The following ANKRD11 variants were observed in gnomAD, a reference collection of about 807,000 sequenced individuals.
ANKRD11 encodes the protein ankyrin repeat domain-containing protein 11.
Under a neutral mutation model 195.7 loss-of-function variants are expected in ANKRD11, and 17 were observed. That is an observed-to-expected ratio of 0.09 (90% CI 0.06 to 0.13). ANKRD11 has a LOEUF of 0.13. Ranked by LOEUF, ANKRD11 falls within the 10% of genes least tolerant of loss-of-function variation. The pLI is 1.00. For synonymous variants in ANKRD11, 1,953 were observed against 1,528.1 expected (o/e 1.28, Z -6.49); for missense variants, 3,735 against 3,566.1 (o/e 1.05, Z -1.21).
intron 9 of ANKRD11, chr16:89,278,514 G>A (rs1567550215): frequency 2.2e-6 from 1 of 456,420 alleles, no homozygotes; most frequent in East Asian, 7.0e-5. Flanking sequence ...TGATGCCTGG[G>A]GAACTGGGCT....
intron 1 of ANKRD11, among the ~76,000 whole-genome samples, chr16:89,456,330 C>T (rs1256604183): frequency 6.6e-6 from 1 of 151,868 alleles, no homozygotes; most frequent in Non-Finnish European, 1.5e-5. Context: ...AGGCAGACCA[C>T]TTGAGGTCAG....
intron 2 of ANKRD11, chr16:89,395,746 T>C (rs1183538699): frequency 6.6e-6 from 1 of 152,188 alleles, no homozygotes; most frequent in Admixed American, 6.5e-5. Flanking sequence ...CTGAATAGCT[T>C]GGTACACTTG....
intron 2 of ANKRD11, among the ~76,000 whole-genome samples, chr16:89,391,341 T>C (rs1485948294): frequency 1.3e-5 from 2 of 151,914 alleles, no homozygotes; most frequent in African/African-American, 2.4e-5. Flanking sequence ...CGGTGGGTGC[T>C]GGAGTGCTGG....
intron 1 of ANKRD11, among the ~76,000 whole-genome samples, chr16:89,488,555 G>A (rs1232113447): frequency 6.6e-6 from 1 of 151,506 alleles, no homozygotes; most frequent in Non-Finnish European, 1.5e-5. Context: ...CTTACTAAGA[G>A]AAATCAAGGT....
chr16:89,324,166 T>C, intron 2 of ANKRD11: 1 of 1,115,810 alleles, frequency 9.0e-7, no homozygotes, highest in South Asian at 1.6e-5. Flanking sequence ...TCACATTTTC[T>C]GTTATCACGG....
chr16:89,464,937 G>T (rs1006137817), intron 1 of ANKRD11, among the ~76,000 whole-genome samples: 1 of 152,208 alleles, frequency 6.6e-6, no homozygotes, highest in Non-Finnish European at 1.5e-5. Flanking sequence ...CCACCTGGGG[G>T]TCAGGGGCCG....
At chr16:89,472,002 G>C (rs1212817358) in intron 1 of ANKRD11, among the ~76,000 whole-genome samples, 1 of 152,012 alleles carries the variant, frequency 6.6e-6, no homozygotes, top group Non-Finnish European at 1.5e-5. Flanking sequence ...ACATCTCCTA[G>C]AATAAAATGG....
At chr16:89,349,134 TAAA>T (rs59621400) in intron 2 of ANKRD11, among the ~76,000 whole-genome samples, 8 of 16,578 alleles carry the variant, frequency 4.8e-4, no homozygotes, top group African/African-American at 8.4e-4. Context: ...TCTCAAAAAG[TAAA>T]AAAAAAAAAA....
At position 89,275,204 on chromosome 16, in the gene ANKRD11, G is replaced by A. The variant is rs1290960851; in HGVS notation, c.7471-13C>T. The A allele has an allele frequency of 7.5e-6, 12 of 1,596,246 alleles. No homozygotes were observed. Among genetic ancestry groups the A allele is most frequent in the Middle Eastern group, 1.9e-4 (1 of 5,298 alleles). On this transcript the variant is annotated splice_polypyrimidine_tract_variant and intron_variant, in intron 9 of 12. Transcript: ENST00000301030. ...GAGGGGGTGCGATCTACAGGCAAAA[G>A]GTGAGTGTGGGGGGTCAGCTGGGGC... is the stretch of plus-strand genomic sequence containing the variant.
intron 2 of ANKRD11, among the ~76,000 whole-genome samples, chr16:89,365,679 G>A (rs2039914930): frequency 6.6e-6 from 1 of 152,172 alleles, no homozygotes; most frequent in African/African-American, 2.4e-5. Context: ...CCTGGGCAGT[G>A]TCTGTGGAAG....
chr16:89,358,012 T>C (rs1345286982), intron 2 of ANKRD11, among the ~76,000 whole-genome samples: 1 of 152,238 alleles, frequency 6.6e-6, no homozygotes, highest in Non-Finnish European at 1.5e-5. Context: ...AGCCAGTAAA[T>C]GCTTCCTTTC....
At chr16:89,405,011 A>G (rs1427021277) in intron 2 of ANKRD11, among the ~76,000 whole-genome samples, 1 of 152,122 alleles carries the variant, frequency 6.6e-6, no homozygotes, top group Admixed American at 6.6e-5. Context: ...AAACATCTAA[A>G]AACTTCTCCT....
At chr16:89,365,811 G>A (rs2039922065) in intron 2 of ANKRD11, among the ~76,000 whole-genome samples, 1 of 152,018 alleles carries the variant, frequency 6.6e-6, no homozygotes, top group Non-Finnish European at 1.5e-5. Flanking sequence ...CATCACCCAG[G>A]TGTTAAGCCC....
intron 2 of ANKRD11, among the ~76,000 whole-genome samples, chr16:89,339,039 G>T (rs1401605662): frequency 6.6e-6 from 1 of 152,098 alleles, no homozygotes; most frequent in South Asian, 2.1e-4. Flanking sequence ...CCATCTGCTC[G>T]TGACCTGAGT....
intron 1 of ANKRD11, among the ~76,000 whole-genome samples, chr16:89,451,668 C>A (rs2044080953): frequency 6.6e-6 from 1 of 152,078 alleles, no homozygotes. Context: ...CTGCAAGCCT[C>A]GGCCTCCCAA....
chr16:89,377,799 AAAGCACTTCGT>A (rs1306268901), intron 2 of ANKRD11, among the ~76,000 whole-genome samples: 1 of 152,138 alleles, frequency 6.6e-6, no homozygotes, highest in African/African-American at 2.4e-5. Flanking sequence ...GAGAAATGAC[AAAGCACTTCGT>A]AAGTTACACC....
chr16:89,462,027 TCCCTCCCCCTCTCC>T (rs2056688023), intron 1 of ANKRD11, among the ~76,000 whole-genome samples: 4 of 146,136 alleles, frequency 2.7e-5, no homozygotes, highest in Non-Finnish European at 6.0e-5. Context: ...ACGCTCCCTC[TCCCTCCCCCTCTCC>T]CTCTCCCCCT....
intron 4 of ANKRD11, among the ~76,000 whole-genome samples, chr16:89,302,130 CCCACT>C (rs1435538945): frequency 2.6e-5 from 4 of 152,236 alleles, no homozygotes; most frequent in Admixed American, 2.6e-4. Context: ...CTCCCTCCAC[CCCACT>C]CATTTCTGAG....
At chr16:89,292,862 G>GC (rs2035155742) in intron 4 of ANKRD11, among the ~76,000 whole-genome samples, 1 of 152,230 alleles carries the variant, frequency 6.6e-6, no homozygotes, top group African/African-American at 2.4e-5. Flanking sequence ...CTCTGCGTGC[G>GC]CCCCATGCTT....
Sources: gnomAD v4.1 joint callset for allele counts (sites outside exome capture counted in the v4.1 genomes callset) on GRCh38, gnomAD v4.1.1 for gene constraint, MANE v1.5 for transcripts, NCBI Gene and HGNC (gene_info 2026-07-23, HGNC 2026-07-21) for gene names.